The following DLGAP1 variants were observed in gnomAD, a reference collection of about 807,000 sequenced individuals.
DLGAP1 encodes the protein DLG associated protein 1.
In DLGAP1, 11 loss-of-function variants were observed where a neutral mutation model predicts 90.8. The ratio of observed to expected loss-of-function variants is 0.12; its 90% CI spans 0.08 to 0.20. The LOEUF (loss-of-function observed/expected upper bound fraction) is 0.20. Ranked by LOEUF, DLGAP1 falls within the 10% of genes least tolerant of loss-of-function variation. DLGAP1 has a pLI of 1.00. For missense variants in DLGAP1, 1,050 were observed against 1,333.8 expected, an observed-to-expected ratio of 0.79 and a Z score of 3.31; for synonymous variants, 558 against 540.7, an observed-to-expected ratio of 1.03 and a Z score of -0.44.
intron 1 of DLGAP1, among the ~76,000 whole-genome samples, chr18:4,340,375 C>T (rs2143838687): frequency 6.6e-6 from 1 of 152,162 alleles, no homozygotes; most frequent in South Asian, 2.1e-4. Flanking sequence ...CTCAAAACGG[C>T]ATGCAATTTA....
At chr18:3,559,853 C>T (rs1368085530) in intron 9 of DLGAP1, among the ~76,000 whole-genome samples, 1 of 151,790 alleles carries the variant, frequency 6.6e-6, no homozygotes, top group Non-Finnish European at 1.5e-5. Context: ...GAACTCCTGA[C>T]CTCGTGATCC....
chr18:3,978,307 C>A, intron 3 of DLGAP1: 5 of 395,080 alleles, frequency 1.3e-5, no homozygotes, highest in South Asian at 8.2e-5. Context: ...TCTCCATGGT[C>A]ATGAAGACAC....
intron 2 of DLGAP1, among the ~76,000 whole-genome samples, chr18:4,060,294 C>T (rs2075280906): frequency 6.6e-6 from 1 of 152,180 alleles, no homozygotes; most frequent in South Asian, 2.1e-4. Flanking sequence ...CAACTCTCCT[C>T]CAAATCCTGT....
intron 3 of DLGAP1, among the ~76,000 whole-genome samples, chr18:3,885,898 C>T (rs1232220922): frequency 1.3e-5 from 2 of 152,100 alleles, no homozygotes; most frequent in African/African-American, 4.8e-5. Context: ...AATAATCCAG[C>T]ACTGTAAAGG....
chr18:3,754,944 A>G (rs1261164545), intron 5 of DLGAP1, among the ~76,000 whole-genome samples: 2 of 152,030 alleles, frequency 1.3e-5, no homozygotes, highest in Admixed American at 1.3e-4. Flanking sequence ...ACATATGCAC[A>G]TGAAAATTTA....
chr18:3,882,499 C>A (rs1168052972), intron 3 of DLGAP1, among the ~76,000 whole-genome samples: 1 of 149,024 alleles, frequency 6.7e-6, no homozygotes, highest in Non-Finnish European at 1.5e-5. Context: ...TATACTTCAG[C>A]CTGGGTGACA....
chr18:3,828,463 G>C (rs1186731300), intron 4 of DLGAP1, among the ~76,000 whole-genome samples: 3 of 151,956 alleles, frequency 2.0e-5, no homozygotes, highest in African/African-American at 4.8e-5. Flanking sequence ...AACAGAGCAA[G>C]ACCTCATTTC....
At chr18:4,149,636 G>A (rs1331853985) in intron 2 of DLGAP1, among the ~76,000 whole-genome samples, 3 of 152,220 alleles carry the variant, frequency 2.0e-5, no homozygotes, top group African/African-American at 7.2e-5. Context: ...TACGGCCTGA[G>A]CTCTGCCTCT....
chr18:4,106,220 G>A (rs1380477586), intron 2 of DLGAP1, among the ~76,000 whole-genome samples: 1 of 152,108 alleles, frequency 6.6e-6, no homozygotes, highest in Non-Finnish European at 1.5e-5. Context: ...AAAACAGCAC[G>A]TTCAGTGCCA....
chr18:3,674,296 A>ATATATATATATAT (rs1555623972), intron 7 of DLGAP1, among the ~76,000 whole-genome samples: 5,357 of 128,724 alleles, frequency 0.042, 181 homozygotes, highest in Middle Eastern at 0.052. Context: ...ATAATATTAA[A>ATATATATATATAT]ATATATATAT....
Position 3,538,293 on chromosome 18 carries a change from C to T in DLGAP1, c.2058-3678G>A, listed in dbSNP as rs73379245. Among the ~76,000 whole-genome samples, 803 of 151,686 alleles carry T rather than the reference C, an allele frequency of 5.3e-3. 7 individuals are homozygous for T. Among genetic ancestry groups the T allele is most frequent in the African/African-American group, 0.018 (762 of 41,240 alleles). On this transcript the variant is annotated intron_variant, in intron 9 of 12. Transcript: ENST00000315677. Reference sequence around the variant, plus strand: ...CGAAGATAAACTAGCCAAAGTTGACCCATTTGCTGTTTTCAAAAAATCAAT... The same window carrying T: ...CGAAGATAAACTAGCCAAAGTTGACTCATTTGCTGTTTTCAAAAAATCAAT...
intron 1 of DLGAP1, among the ~76,000 whole-genome samples, chr18:4,252,343 G>T (rs2078797215): frequency 6.6e-6 from 1 of 152,180 alleles, no homozygotes; most frequent in African/African-American, 2.4e-5. Flanking sequence ...ATAGTAGCCT[G>T]ATACATGAGC....
intron 7 of DLGAP1, among the ~76,000 whole-genome samples, chr18:3,694,185 G>A (rs2061003121): frequency 6.6e-6 from 1 of 152,086 alleles, no homozygotes; most frequent in Non-Finnish European, 1.5e-5. Flanking sequence ...ATGGTGTCCA[G>A]CTTCATCTGT....
At chr18:4,275,189 C>T (rs1169976228) in intron 1 of DLGAP1, 1 of 152,150 alleles carries the variant, frequency 6.6e-6, no homozygotes, top group Non-Finnish European at 1.5e-5. Context: ...CCCATGATGT[C>T]TCTAATGACT....
rs185593488 is a variant in DLGAP1 at position 3,735,748 on chromosome 18, G to A, written c.1351-6373C>T. 7.6e-4 allele frequency among the ~76,000 whole-genome samples: 115 copies of A among 152,094 alleles called. 2 individuals are homozygous for A. The highest frequency in any genetic ancestry group is 6.8e-3 in the Admixed American group (104 of 15,260). ...AGCATGTATCAGGTAATCATAAAACGGTAACTAATTATTCCATTGTTATTC... is the reference window on the plus strand; with the variant it reads ...AGCATGTATCAGGTAATCATAAAACAGTAACTAATTATTCCATTGTTATTC... On this transcript the variant is annotated intron_variant, in intron 6 of 12. Transcript: ENST00000315677.
At chr18:3,594,537 A>G (rs2145609390) in intron 7 of DLGAP1, 1 of 152,232 alleles carries the variant, frequency 6.6e-6, no homozygotes, top group South Asian at 2.1e-4. Context: ...GTCTTCCGAA[A>G]AGTATGAAGA....
At chr18:3,726,484 C>A (rs891027182) in intron 7 of DLGAP1, among the ~76,000 whole-genome samples, 7 of 151,722 alleles carry the variant, frequency 4.6e-5, no homozygotes, top group African/African-American at 1.7e-4. Context: ...ATAAATAGCA[C>A]ACAGGAGTAG....
intron 8 of DLGAP1, among the ~76,000 whole-genome samples, chr18:3,578,805 T>C (rs906754055): frequency 6.6e-6 from 1 of 152,124 alleles, no homozygotes; most frequent in Non-Finnish European, 1.5e-5. Context: ...AGGGCAGAGA[T>C]GATCCTAACA....
chr18:4,435,961 C>T (rs2083390115), intron 1 of DLGAP1, among the ~76,000 whole-genome samples: 1 of 151,998 alleles, frequency 6.6e-6, no homozygotes, highest in Non-Finnish European at 1.5e-5. Flanking sequence ...ACAAATTAGA[C>T]AAGTAGGTAG....
Sources: allele counts gnomAD v4.1 joint callset (sites outside exome capture counted in the v4.1 genomes callset), GRCh38; gene constraint gnomAD v4.1.1; transcripts MANE v1.5; gene names NCBI Gene and HGNC (gene_info 2026-07-23, HGNC 2026-07-21).